Variants in OSTF1 observed in about 807,000 individuals in gnomAD.
OSTF1 encodes osteoclast stimulating factor 1.
In OSTF1, 27 loss-of-function variants were observed where a neutral mutation model predicts 37.2. That is an observed-to-expected ratio of 0.73 (90% CI 0.54 to 1.00). The LOEUF is 1.00. Ranked by LOEUF, OSTF1 falls within the 50% of genes least tolerant of loss-of-function variation. OSTF1 has a pLI of 0.00. For synonymous variants in OSTF1, 82 were observed against 89.2 expected, an observed-to-expected ratio of 0.92 and a Z score of 0.46; for missense variants, 232 against 253.8, an observed-to-expected ratio of 0.91 and a Z score of 0.58.
At chr9:75,101,876 C>T (rs902625953) in intron 1 of OSTF1, among the ~76,000 whole-genome samples, 4 of 152,164 alleles carry the variant, frequency 2.6e-5, no homozygotes, top group Non-Finnish European at 5.9e-5. Context: ...AGAGGTTGCA[C>T]TATAAATAAA....
At chr9:75,131,891 C>T in intron 5 of OSTF1, 68 bp downstream of exon 5, 1 of 1,091,616 alleles carries the variant, frequency 9.2e-7, no homozygotes, top group Admixed American at 1.7e-5. Flanking sequence ...TTAGCTTTGA[C>T]AAGTGCATAC....
chr9:75,136,123 G>T (rs1385951315), intron 7 of OSTF1, among the ~76,000 whole-genome samples: 1 of 152,140 alleles, frequency 6.6e-6, no homozygotes, highest in Non-Finnish European at 1.5e-5. Context: ...CCTGTACCAG[G>T]GCCAGGAACC....
intron 2 of OSTF1, 72 bp downstream of exon 2, chr9:75,117,622 G>T: frequency 9.2e-7 from 1 of 1,081,382 alleles, no homozygotes; most frequent in South Asian, 1.3e-5. Context: ...CATTTCCTCT[G>T]GTGTGAATGG....
intron 2 of OSTF1, among the ~76,000 whole-genome samples, chr9:75,120,467 A>G (rs1430339345): frequency 6.6e-6 from 1 of 152,164 alleles, no homozygotes; most frequent in African/African-American, 2.4e-5. Flanking sequence ...TGAATAGACC[A>G]TTCTCTGCTG....
intron 6 of OSTF1, among the ~76,000 whole-genome samples, chr9:75,133,763 A>G (rs937964322): frequency 5.9e-5 from 9 of 152,318 alleles, no homozygotes; most frequent in South Asian, 4.1e-4. Context: ...TTCTTTTATG[A>G]TTTGCATTTT....
rs978506494 is a variant in OSTF1, at chr9:75,118,684, C to T, written c.81+1134C>T. On this transcript the variant is annotated intron_variant, in intron 2 of 9. Transcript: ENST00000346234. The stretch of plus-strand genomic sequence containing the variant: ...TCGGACTCACAGTCATGGCGGAAGG[C>T]GAAAGGCATGTCTTACATGGCAGCA... Among the ~76,000 whole-genome samples the T allele has an allele frequency of 8.6e-5, 13 of 152,034 alleles. No homozygotes were observed. The South Asian group carries it at 1.0e-3, about 12-fold the overall frequency.
intron 2 of OSTF1, among the ~76,000 whole-genome samples, chr9:75,118,538 T>A (rs750562572): frequency 6.6e-6 from 1 of 151,858 alleles, no homozygotes; most frequent in Non-Finnish European, 1.5e-5. Flanking sequence ...TCGAGACAGT[T>A]AGGAAGGAAA....
At chr9:75,116,827 G>A (rs1392348329) in intron 1 of OSTF1, among the ~76,000 whole-genome samples, 1 of 152,056 alleles carries the variant, frequency 6.6e-6, no homozygotes, top group East Asian at 1.9e-4. Flanking sequence ...GCTCCTTGCT[G>A]TTAGAAGGAA....
chr9:75,108,676 A>G (rs1825332883), intron 1 of OSTF1, among the ~76,000 whole-genome samples: 1 of 152,154 alleles, frequency 6.6e-6, no homozygotes, highest in Non-Finnish European at 1.5e-5. Flanking sequence ...ACATTATATC[A>G]TCATCATTAA....
chr9:75,119,558 G>A (rs971805973), intron 2 of OSTF1, among the ~76,000 whole-genome samples: 1 of 152,166 alleles, frequency 6.6e-6, no homozygotes, highest in Non-Finnish European at 1.5e-5. Context: ...TCAAGGTGTC[G>A]GCAGGATTGG....
chr9:75,139,374 T>A (rs1825903062), intron 8 of OSTF1, among the ~76,000 whole-genome samples: 1 of 151,894 alleles, frequency 6.6e-6, no homozygotes, highest in Non-Finnish European at 1.5e-5. Context: ...GCAAAAAAAA[T>A]ATGATACTTT....
At chr9:75,140,148 A>T (rs543053547) in intron 8 of OSTF1, among the ~76,000 whole-genome samples, 1 of 152,244 alleles carries the variant, frequency 6.6e-6, no homozygotes, top group Non-Finnish European at 1.5e-5. Context: ...TTTTGTGTCT[A>T]TATCAATATG....
chr9:75,113,343 A>G (rs2118495883), intron 1 of OSTF1, among the ~76,000 whole-genome samples: 1 of 152,170 alleles, frequency 6.6e-6, no homozygotes, highest in Admixed American at 6.5e-5. Context: ...TTTTGTTGAC[A>G]TAAACAGGAT....
chr9:75,088,533 C>T lies in OSTF1; in HGVS notation c.-160C>T, dbSNP rs1180579885. The T allele has an allele frequency of 6.6e-6, 5 of 758,826 alleles. No homozygotes were observed. The highest frequency in any genetic ancestry group is 1.1e-5 in the Non-Finnish European group (5 of 457,240). 47.0% of individuals were successfully genotyped at this position (758,826 alleles called of 1,614,324 possible). Reference sequence around the variant, plus strand: ...CGGAGCACTCGGCGGAGCCGCTCTGCCTGCGTCCGCTCTTCCCGCAGCCAA... The same window carrying T: ...CGGAGCACTCGGCGGAGCCGCTCTGTCTGCGTCCGCTCTTCCCGCAGCCAA... On this transcript the variant is annotated 5_prime_UTR_variant, in exon 1 of 10. Coordinates refer to ENST00000346234, the MANE Select transcript of OSTF1 (RefSeq NM_012383.5).
At chr9:75,145,441 C>T (rs937182463) in intron 9 of OSTF1, among the ~76,000 whole-genome samples, 1 of 152,190 alleles carries the variant, frequency 6.6e-6, no homozygotes, top group Non-Finnish European at 1.5e-5. Context: ...GGTTGTCACT[C>T]TTCCTGTGAT....
chr9:75,132,333 CTT>C (rs1825773818), intron 5 of OSTF1, among the ~76,000 whole-genome samples: 1 of 152,034 alleles, frequency 6.6e-6, no homozygotes, highest in African/African-American at 2.4e-5. Flanking sequence ...GGGGAAGATC[CTT>C]GACCAAACAA....
intron 9 of OSTF1, among the ~76,000 whole-genome samples, chr9:75,141,312 C>CAAAAAAAAAAAAAAAAAAAAAAAAAA (rs529293090): frequency 2.8e-5 from 2 of 71,680 alleles, no homozygotes; most frequent in Non-Finnish European, 5.0e-5. Flanking sequence ...AAAAGAAAAC[C>CAAAAAAAAAAAAAAAAAAAAAAAAAA]AAAAAAAAAA....
intron 1 of OSTF1, among the ~76,000 whole-genome samples, chr9:75,103,103 A>G (rs1482363790): frequency 6.6e-6 from 1 of 150,722 alleles, no homozygotes. Context: ...CCCATGCAAC[A>G]TAATGATACT....
At position 75,144,379 on chromosome 9, in the gene OSTF1, C is replaced by A. The variant is rs114770120; in HGVS notation, c.587-2304C>A. ...TAGCCTGGACAACATAGTGAGATGA[C>A]GTCTTTACAAAAAAAATTAAAAACT... On this transcript the variant is annotated intron_variant, in intron 9 of 9. Transcript: ENST00000346234. 3.5e-3 allele frequency among the ~76,000 whole-genome samples: 537 copies of A among 152,132 alleles called. 5 individuals carry two copies. Among genetic ancestry groups the A allele is most frequent in the African/African-American group, 0.012 (512 of 41,502 alleles).
Sources: gnomAD v4.1 joint callset for allele counts (sites outside exome capture counted in the v4.1 genomes callset) on GRCh38, gnomAD v4.1.1 for gene constraint, MANE v1.5 for transcripts, NCBI Gene and HGNC (gene_info 2026-07-23, HGNC 2026-07-21) for gene names.